Variants in EPS15 observed in about 807,000 individuals in gnomAD.
EPS15 encodes the protein epidermal growth factor receptor pathway substrate 15, also known as epidermal growth factor receptor substrate 15.
A neutral mutation model predicts 113.8 loss-of-function variants in EPS15; 72 were observed. The observed-to-expected ratio is 0.63, with a 90% CI of 0.52 to 0.77. The LOEUF is 0.77. Ranked by LOEUF, EPS15 falls within the 30% of genes least tolerant of loss-of-function variation. The pLI is 0.00. For missense variants in EPS15, 1,048 were observed against 1,045.8 expected (o/e 1.00, Z -0.03); for synonymous variants, 344 against 363.4 (o/e 0.95, Z 0.61).
At chr1:51,389,095 C>A in intron 21 of EPS15, among the ~76,000 whole-genome samples, 1 of 152,176 alleles carries the variant, frequency 6.6e-6, no homozygotes, top group Non-Finnish European at 1.5e-5. Context: ...CCGAATCCAG[C>A]AGCACATCAA....
chr1:51,383,939 T>G (rs1646998603), intron 21 of EPS15, among the ~76,000 whole-genome samples: 1 of 152,198 alleles, frequency 6.6e-6, no homozygotes, highest in Admixed American at 6.5e-5. Flanking sequence ...TATTTCTATA[T>G]ACCAACAATG....
At position 51,448,047 on chromosome 1, in the gene EPS15, G is replaced by A. The variant is rs201144796; in HGVS notation, c.650C>T (p.Thr217Met). 16 of 1,613,240 alleles carry A rather than the reference G, an allele frequency of 9.9e-6. No individual in the cohort carries two copies. The highest frequency in any genetic ancestry group is 3.3e-4 in the Middle Eastern group (2 of 6,076). The change falls in exon 9 of 25, where the codon ACG becomes ATG. Residue 217 changes from threonine to methionine, a missense_variant and splice_region_variant. Coordinates refer to ENST00000371733, the MANE Select transcript of EPS15 (RefSeq NM_001981.3). Reference sequence around the variant, plus strand: ...CCGCACAGAGCCTGATATACTGACCGTTTTTCTCTTAGATGGTGGCACCAA... The same window carrying A: ...CCGCACAGAGCCTGATATACTGACCATTTTTCTCTTAGATGGTGGCACCAA... ...PALVPPSKRK[T>M]WVVSPAEKAK...
chr1:51,427,267 A>T (rs1651306223), intron 12 of EPS15, among the ~76,000 whole-genome samples: 2 of 152,212 alleles, frequency 1.3e-5, no homozygotes, highest in African/African-American at 2.4e-5. Context: ...ATGAAGAGCG[A>T]TAGGGAAAAT....
At chr1:51,372,368 T>A (rs1279743495) in intron 21 of EPS15, 1 of 536,574 alleles carries the variant, frequency 1.9e-6, no homozygotes, top group African/African-American at 1.9e-5. Context: ...AGCAGTGCAT[T>A]GTTGGTGTGC....
chr1:51,512,054 G>T (rs1644631138), intron 1 of EPS15, among the ~76,000 whole-genome samples: 2 of 152,156 alleles, frequency 1.3e-5, no homozygotes, highest in Non-Finnish European at 2.9e-5. Flanking sequence ...TCACAAAAAT[G>T]AGTTTCTTCT....
At chr1:51,366,222 C>A (rs916953306) in intron 21 of EPS15, among the ~76,000 whole-genome samples, 193 bp from the exon 22 acceptor site, 3 of 152,106 alleles carry the variant, frequency 2.0e-5, no homozygotes, top group Non-Finnish European at 4.4e-5. Flanking sequence ...TATGCACCAC[C>A]ATGCCTGACT....
chr1:51,379,703 G>T (rs1226680150), intron 21 of EPS15, among the ~76,000 whole-genome samples: 1 of 151,876 alleles, frequency 6.6e-6, no homozygotes, highest in Non-Finnish European at 1.5e-5. Context: ...GATCACGTAA[G>T]GTCAGGAGTT....
rs1268735609 is a variant in EPS15, at chr1:51,442,611, C to T, written c.955-2179G>A. Among the ~76,000 whole-genome samples the T allele has an allele frequency of 2.0e-5, 3 of 152,128 alleles. No homozygotes were observed. The East Asian group carries it at 5.8e-4, about 29-fold the overall frequency. ...TCTTACCCTATTCTTGTGCATTACA[C>T]AAAAATTCTACTTTGGTGATGTTAA... On this transcript the variant is annotated intron_variant, in intron 11 of 24. Coordinates refer to ENST00000371733, the MANE Select transcript of EPS15 (RefSeq NM_001981.3).
intron 1 of EPS15, among the ~76,000 whole-genome samples, chr1:51,511,122 C>T (rs1332323860): frequency 6.6e-6 from 1 of 151,910 alleles, no homozygotes; most frequent in African/African-American, 2.4e-5. Flanking sequence ...GCCGAGATCA[C>T]ACCACTGCAC....
intron 5 of EPS15, among the ~76,000 whole-genome samples, chr1:51,466,550 G>C (rs189028323): frequency 7.0e-4 from 107 of 151,792 alleles, no homozygotes; most frequent in African/African-American, 1.8e-3. Flanking sequence ...TTGAACCTAG[G>C]GGGTGGAGGT....
In EPS15 at chr1:51,445,059, C is replaced by T; in HGVS notation, c.798-14G>A. The T allele has an allele frequency of 6.2e-7, 1 of 1,607,732 alleles. No homozygotes were observed. The highest frequency in any genetic ancestry group is 8.5e-7 in the Non-Finnish European group (1 of 1,176,502). On this transcript the variant is annotated splice_polypyrimidine_tract_variant and intron_variant, in intron 10 of 24. Transcript: ENST00000371733. ...TCGCATAATGACCTGCACAAATAAA[C>T]AAAATGAATGGTATGTAAGTGCCAC...
At chr1:51,455,214 T>C (rs1182203734) in intron 8 of EPS15, among the ~76,000 whole-genome samples, 1 of 152,210 alleles carries the variant, frequency 6.6e-6, no homozygotes, top group East Asian at 1.9e-4. Flanking sequence ...GAATAAACTT[T>C]AACATAATTA....
intron 1 of EPS15, among the ~76,000 whole-genome samples, chr1:51,489,140 T>TAAA (rs537853692): frequency 0.032 from 4,331 of 136,888 alleles, 69 homozygotes; most frequent in African/African-American, 0.053. Flanking sequence ...CTAACTAATG[T>TAAA]AAAAAAAAAA....
At chr1:51,491,552 A>G (rs189616935) in intron 1 of EPS15, among the ~76,000 whole-genome samples, 12 of 152,374 alleles carry the variant, frequency 7.9e-5, no homozygotes, top group Admixed American at 2.0e-4. Flanking sequence ...AAGAGTAAAC[A>G]GAAGAATGAA....
intron 1 of EPS15, among the ~76,000 whole-genome samples, chr1:51,488,996 A>G (rs1238293041): frequency 6.6e-6 from 1 of 152,090 alleles, no homozygotes; most frequent in Non-Finnish European, 1.5e-5. Context: ...AACATGGGAA[A>G]AATACAGCAA....
intron 10 of EPS15, 43 bp from the exon 11 acceptor site, chr1:51,445,088 T>C (rs779768876): frequency 1.9e-5 from 30 of 1,551,680 alleles, no homozygotes; most frequent in Non-Finnish European, 2.6e-5. Context: ...GTGCCACAAC[T>C]GCAAAAAGTC....
intron 21 of EPS15, among the ~76,000 whole-genome samples, chr1:51,388,052 T>C (rs1647138954): frequency 6.6e-6 from 1 of 152,220 alleles, no homozygotes; most frequent in Middle Eastern, 3.4e-3. Context: ...TATTCCAAAA[T>C]TGACCATGTA....
intron 8 of EPS15, among the ~76,000 whole-genome samples, chr1:51,460,031 A>C (rs1654311463): frequency 6.6e-6 from 1 of 152,204 alleles, no homozygotes; most frequent in Non-Finnish European, 1.5e-5. Flanking sequence ...AAGGATAAGT[A>C]AATTCAAAAG....
At chr1:51,444,249 A>G (rs1652833592) in intron 11 of EPS15, among the ~76,000 whole-genome samples, 1 of 152,214 alleles carries the variant, frequency 6.6e-6, no homozygotes, top group African/African-American at 2.4e-5. Flanking sequence ...CATACTAGGA[A>G]GGGTTTCTAC....
Sources: gnomAD v4.1 joint callset for allele counts (sites outside exome capture counted in the v4.1 genomes callset) on GRCh38, gnomAD v4.1.1 for gene constraint, MANE v1.5 for transcripts, NCBI Gene and HGNC (gene_info 2026-07-23, HGNC 2026-07-21) for gene names.